Variants in PATL2 observed in about 807,000 individuals in gnomAD.
PATL2 encodes the protein protein PAT1 homolog 2.
Under a neutral mutation model 77.0 loss-of-function variants are expected in PATL2, and 73 were observed. The observed-to-expected ratio is 0.95, with a 90% CI of 0.78 to 1.15. The LOEUF is 1.15. PATL2 is among the 50% of genes most tolerant of loss of function. The probability of loss-of-function intolerance (pLI) is 0.00; values close to 1 mark genes in which losing one functional copy is unlikely to be tolerated. For missense variants in PATL2, 618 were observed against 655.4 expected (o/e 0.94, Z 0.62); for synonymous variants, 265 against 257.1 (o/e 1.03, Z -0.29).
At chr15:44,685,791 A>G (rs1304237129) in intron 3 of PATL2, among the ~76,000 whole-genome samples, 5 of 152,194 alleles carry the variant, frequency 3.3e-5, no homozygotes, top group Non-Finnish European at 5.9e-5. Flanking sequence ...TAAACCAACA[A>G]AGATCAAAAG....
intron 4 of PATL2, 63 bp from the exon 5 acceptor site, chr15:44,675,754 A>C (rs1355099903): frequency 1.1e-5 from 15 of 1,389,064 alleles, no homozygotes; most frequent in South Asian, 7.1e-5. Flanking sequence ...TCTTGTCTAG[A>C]GAGGCTGCTA....
chr15:44,669,132 C>A lies in PATL2; in HGVS notation c.1072G>T (p.Ala358Ser). ...GAGAGCACCTGCAGGAAGCCATCTGCTGCCTCTCTGCAAGGGAGAGAGGAG... is the reference window on the plus strand; with the variant it reads ...GAGAGCACCTGCAGGAAGCCATCTGATGCCTCTCTGCAAGGGAGAGAGGAG... ...TQEQNNLEEA[A>S]DGFLQVLSVR... Residue 358 changes from alanine to serine, a missense_variant, in exon 14 of 18, where the codon GCA becomes TCA. By Grantham distance (99) the Ala-to-Ser change is moderately conservative. Transcript: ENST00000682850. 1 of 1,540,342 alleles carries A rather than the reference C, an allele frequency of 6.5e-7. No individual in the cohort carries two copies. Among genetic ancestry groups the A allele is most frequent in the Non-Finnish European group, 8.8e-7 (1 of 1,140,138 alleles).
At position 44,675,514 on chromosome 15, in the gene PATL2, G is replaced by A; in HGVS notation, c.194C>T (p.Ala65Val). Residue 65 changes from alanine (A) to valine (V), a missense_variant, in exon 5 of 18, where the codon GCT becomes GTT. Coordinates refer to ENST00000682850, the MANE Select transcript of PATL2 (RefSeq NM_001387263.1). ...EEEENDLGDP[A>V]VLGAVHNTQR... ...GGTGTTGTGGACAGCACCAAGTACA[G>A]CTGGATCCCCAAGATCATTCTCTTC... is the stretch of plus-strand genomic sequence containing the variant. 6.4e-7 allele frequency: 1 copy of A among 1,551,740 alleles called. No homozygotes were observed. Among genetic ancestry groups the A allele is most frequent in the South Asian group, 1.2e-5 (1 of 84,052 alleles).
At chr15:44,676,762 G>T in intron 3 of PATL2, 197 bp from the exon 4 acceptor site, 1 of 1,275,048 alleles carries the variant, frequency 7.8e-7, no homozygotes, top group Non-Finnish European at 1.0e-6. Context: ...GTCCCACAAA[G>T]GGACAGAAAT....
chr15:44,665,867 A>C lies in PATL2; in HGVS notation c.*86T>G. 1 of 1,549,276 alleles carries C rather than the reference A, an allele frequency of 6.5e-7. No individual in the cohort carries two copies. On this transcript the variant is annotated 3_prime_UTR_variant, in exon 18 of 18. Coordinates refer to ENST00000682850, the MANE Select transcript of PATL2 (RefSeq NM_001387263.1). Reference sequence around the variant, plus strand: ...ATAAAGGCATAAGAAATGTCTTCAGACTCTCTGGATCCCTGTAAACATAGT... The same window carrying C: ...ATAAAGGCATAAGAAATGTCTTCAGCCTCTCTGGATCCCTGTAAACATAGT...
intron 14 of PATL2, 52 bp from the exon 15 acceptor site, chr15:44,668,534 C>T: frequency 6.5e-7 from 1 of 1,532,648 alleles, no homozygotes; most frequent in Non-Finnish European, 8.8e-7. Flanking sequence ...CTTCACCTCC[C>T]CTTACCTTGC....
chr15:44,692,948 G>A (rs772288419), intron 3 of PATL2, among the ~76,000 whole-genome samples: 23 of 152,240 alleles, frequency 1.5e-4, no homozygotes, highest in Non-Finnish European at 2.9e-4. Flanking sequence ...GCAGTGATAG[G>A]AGGGGAAGAC....
Position 44,673,234 on chromosome 15 carries a change from C to A in PATL2, c.446+1G>T. On this transcript the variant is annotated splice_donor_variant, in intron 7 of 17. Coordinates refer to ENST00000682850, the MANE Select transcript of PATL2 (RefSeq NM_001387263.1). LOFTEE classifies it high-confidence loss of function. ...CTCTGGGGAGAACCTCAAACCAGTA[C>A]CTGAACCTAGGGGGCCACGAGGTCA... 2 of 1,551,240 alleles carry A rather than the reference C, an allele frequency of 1.3e-6. No homozygotes were observed. The highest frequency in any genetic ancestry group is 1.7e-6 in the Non-Finnish European group (2 of 1,146,908).
At chr15:44,670,353 C>T (rs1433249984) in intron 9 of PATL2, among the ~76,000 whole-genome samples, 1 of 152,084 alleles carries the variant, frequency 6.6e-6, no homozygotes, top group Non-Finnish European at 1.5e-5. Flanking sequence ...GCCACCATGC[C>T]CAGCTAATTT....
chr15:44,705,184 CT>C (rs796905576), intron 3 of PATL2, among the ~76,000 whole-genome samples: 14 of 149,360 alleles, frequency 9.4e-5, no homozygotes, highest in East Asian at 5.9e-4. Flanking sequence ...GCCAATAACT[CT>C]TTTTTTTTTC....
Position 44,672,075 on chromosome 15 carries a change from T to A in PATL2, c.597A>T (p.Ile199=), listed in dbSNP as rs1266165832. 1 of 1,551,694 alleles carries A rather than the reference T, an allele frequency of 6.4e-7. No homozygotes were observed. Among genetic ancestry groups the A allele is most frequent in the Admixed American group, 2.0e-5 (1 of 50,992 alleles). Residue 199 remains isoleucine (I), a synonymous_variant, in exon 9 of 18, where the codon ATA becomes ATT. Coordinates refer to ENST00000682850, the MANE Select transcript of PATL2 (RefSeq NM_001387263.1). ...LMTRKEKDWV[I]KVQMVQLQSA... ...TCTGCAGCTGCACCATCTGCACTTT[T>A]ATCACCCAGTCCTTCTCTTTTCTGG...
chr15:44,679,552 CTTTT>C (rs545161525), intron 3 of PATL2, among the ~76,000 whole-genome samples: 1 of 114,360 alleles, frequency 8.7e-6, no homozygotes, highest in African/African-American at 3.3e-5. Flanking sequence ...TTTTCTTTTT[CTTTT>C]TTTTTTTTTT....
Position 44,669,955 on chromosome 15 carries a change from C to A in PATL2, c.778+12G>T. The A allele has an allele frequency of 6.5e-7, 1 of 1,549,494 alleles. No homozygotes were observed. The highest frequency in any genetic ancestry group is 8.7e-7 in the Non-Finnish European group (1 of 1,145,844). ...TGCCCAGCCCAAGTCAGCAGGTCAG[C>A]CCTGACCCTACCGGACTCATAAGCC... On this transcript the variant is annotated intron_variant, in intron 10 of 17. Transcript: ENST00000682850.
At chr15:44,671,972 T>C in intron 9 of PATL2, 43 bp downstream of exon 9, 3 of 1,548,364 alleles carry the variant, frequency 1.9e-6, no homozygotes, top group Non-Finnish European at 2.6e-6. Context: ...CCAGGCCCAT[T>C]TGACCCAAGG....
At chr15:44,700,137 T>C (rs917498168) in intron 3 of PATL2, among the ~76,000 whole-genome samples, 3 of 152,196 alleles carry the variant, frequency 2.0e-5, no homozygotes, top group African/African-American at 7.2e-5. Context: ...GAACATGGAA[T>C]ATCTTTCCAT....
intron 3 of PATL2, among the ~76,000 whole-genome samples, chr15:44,688,576 C>T (rs1382302604): frequency 2.0e-5 from 3 of 152,160 alleles, no homozygotes; most frequent in African/African-American, 7.2e-5. Context: ...ACCATCTGAT[C>T]TTTCACAAAC....
chr15:44,687,966 G>A (rs924854933), intron 3 of PATL2, among the ~76,000 whole-genome samples: 1 of 152,102 alleles, frequency 6.6e-6, no homozygotes, highest in Non-Finnish European at 1.5e-5. Flanking sequence ...CGTGAAAATG[G>A]CCAAAGTAAT....
intron 3 of PATL2, among the ~76,000 whole-genome samples, chr15:44,706,783 A>G (rs889768035): frequency 6.6e-6 from 1 of 152,326 alleles, no homozygotes; most frequent in East Asian, 1.9e-4. Context: ...TCAAGGCCCT[A>G]TGGCTCTAAA....
intron 5 of PATL2, 177 bp from the exon 6 acceptor site, chr15:44,674,407 C>T: frequency 1.7e-6 from 1 of 595,534 alleles, no homozygotes; most frequent in Non-Finnish European, 3.0e-6. Context: ...ATCCCTCTCC[C>T]TCTCCTGGGA....
Sources: allele counts gnomAD v4.1 joint callset (sites outside exome capture counted in the v4.1 genomes callset), GRCh38; gene constraint gnomAD v4.1.1; transcripts MANE v1.5; gene names NCBI Gene and HGNC (gene_info 2026-07-23, HGNC 2026-07-21).